The following ETS1 variants were observed in gnomAD, a reference collection of about 807,000 sequenced individuals.
The protein encoded by ETS1 is protein C-ets-1.
Under a neutral mutation model 58.6 loss-of-function variants are expected in ETS1, and 15 were observed. The ratio of observed to expected loss-of-function variants is 0.26; its 90% CI spans 0.17 to 0.39. The LOEUF is 0.39. Among genes scored for constraint, ETS1 ranks in the 10% least tolerant of loss-of-function variants. The pLI, the probability that ETS1 is intolerant of heterozygous loss-of-function variation, is 1.00. For synonymous variants in ETS1, 214 were observed against 218.2 expected, an observed-to-expected ratio of 0.98 and a Z score of 0.17; for missense variants, 417 against 610.5, an observed-to-expected ratio of 0.68 and a Z score of 3.34.
At chr11:128,515,107 A>C (rs960012483) in intron 3 of ETS1, among the ~76,000 whole-genome samples, 2 of 152,180 alleles carry the variant, frequency 1.3e-5, no homozygotes, top group Non-Finnish European at 2.9e-5. Flanking sequence ...AAGAAAACAC[A>C]ACATTTTTTT....
intron 3 of ETS1, among the ~76,000 whole-genome samples, chr11:128,534,448 T>C (rs1863943043): frequency 6.6e-6 from 1 of 152,244 alleles, no homozygotes; most frequent in Admixed American, 6.5e-5. Flanking sequence ...AAGGTTCAGA[T>C]ACACGTGCAA....
Position 128,543,300 on chromosome 11 carries a change from G to C in ETS1, c.214+12991C>G, listed in dbSNP as rs151173390. ...GCACATAGAAAAGTACTAGTTCATA[G>C]CCAGGAAGAGCGAAAAGATTATGCA... On this transcript the variant is annotated intron_variant, in intron 3 of 9. Transcript: ENST00000392668. Among the ~76,000 whole-genome samples, 567 of 151,988 alleles carry C rather than the reference G, an allele frequency of 3.7e-3. 6 individuals carry two copies. The highest frequency in any genetic ancestry group is 0.013 in the African/African-American group (534 of 41,412).
intron 3 of ETS1, among the ~76,000 whole-genome samples, chr11:128,499,839 G>A (rs1863039937): frequency 6.6e-6 from 1 of 152,110 alleles, no homozygotes; most frequent in Admixed American, 6.5e-5. Context: ...GAATCACCAA[G>A]AAGGCCAGGC....
At chr11:128,514,577 T>C (rs1469853786) in intron 3 of ETS1, among the ~76,000 whole-genome samples, 1 of 152,194 alleles carries the variant, frequency 6.6e-6, no homozygotes, top group Non-Finnish European at 1.5e-5. Context: ...CTTAACACTG[T>C]TGCAAGAGAG....
At chr11:128,545,178 T>A (rs1251052644) in intron 3 of ETS1, among the ~76,000 whole-genome samples, 2 of 152,138 alleles carry the variant, frequency 1.3e-5, no homozygotes, top group African/African-American at 2.4e-5. Flanking sequence ...AAATGACCAA[T>A]ATGGGACTCC....
chr11:128,536,997 C>G (rs1338704789), intron 3 of ETS1, among the ~76,000 whole-genome samples: 5 of 152,186 alleles, frequency 3.3e-5, no homozygotes, highest in Non-Finnish European at 7.4e-5. Context: ...CACAGCACCT[C>G]TGAGAAATGC....
chr11:128,581,020 G>A (rs540369509), intron 1 of ETS1, among the ~76,000 whole-genome samples: 69 of 152,136 alleles, frequency 4.5e-4, no homozygotes, highest in Non-Finnish European at 7.9e-4. Context: ...GGAGTAACTC[G>A]CTACTATCTC....
At chr11:128,533,516 T>C (rs961324143) in intron 3 of ETS1, among the ~76,000 whole-genome samples, 1 of 152,210 alleles carries the variant, frequency 6.6e-6, no homozygotes, top group African/African-American at 2.4e-5. Flanking sequence ...CTCCCCCACA[T>C]AGGGACCCTG....
At chr11:128,550,763 A>T (rs368397792) in intron 3 of ETS1, among the ~76,000 whole-genome samples, 12 of 152,178 alleles carry the variant, frequency 7.9e-5, no homozygotes, top group African/African-American at 2.4e-4. Flanking sequence ...ATGTTTCCCC[A>T]TCTCCCTTAA....
chr11:128,557,040 C>A (rs1184579661), intron 2 of ETS1, among the ~76,000 whole-genome samples: 1 of 152,150 alleles, frequency 6.6e-6, no homozygotes, highest in Admixed American at 6.6e-5. Flanking sequence ...TCCCAATCTA[C>A]ATAGTACTCT....
intron 1 of ETS1, among the ~76,000 whole-genome samples, chr11:128,584,040 A>G (rs1864926757): frequency 6.6e-6 from 1 of 152,138 alleles, no homozygotes; most frequent in African/African-American, 2.4e-5. Context: ...TATTGTGTTA[A>G]TTTTAAAAAT....
intron 1 of ETS1, among the ~76,000 whole-genome samples, chr11:128,578,473 T>C (rs971715749): frequency 1.3e-5 from 2 of 152,176 alleles, no homozygotes; most frequent in African/African-American, 4.8e-5. Context: ...TACACTTTAA[T>C]TTTTTTCTTT....
intron 3 of ETS1, among the ~76,000 whole-genome samples, chr11:128,550,142 G>A (rs1457816221): frequency 1.3e-5 from 2 of 152,236 alleles, no homozygotes; most frequent in South Asian, 2.1e-4. Context: ...ACTTAGCCAA[G>A]GCCGAAGGCC....
At chr11:128,576,388 G>C (rs953086493) in intron 1 of ETS1, among the ~76,000 whole-genome samples, 1 of 152,118 alleles carries the variant, frequency 6.6e-6, no homozygotes, top group African/African-American at 2.4e-5. Context: ...TTTGGCAAAA[G>C]AGAATTCCCT....
chr11:128,491,294 G>C (rs1271576829), intron 3 of ETS1, among the ~76,000 whole-genome samples: 1 of 152,200 alleles, frequency 6.6e-6, no homozygotes. Flanking sequence ...CACAGAAATA[G>C]TCTCCACAGG....
chr11:128,564,188 C>T (rs1864451759), intron 2 of ETS1, among the ~76,000 whole-genome samples: 1 of 152,102 alleles, frequency 6.6e-6, no homozygotes, highest in Non-Finnish European at 1.5e-5. Context: ...AGAACCACTC[C>T]CCAGCTCTCC....
At chr11:128,558,991 A>T (rs537782395) in intron 2 of ETS1, among the ~76,000 whole-genome samples, 4 of 152,292 alleles carry the variant, frequency 2.6e-5, no homozygotes, top group African/African-American at 9.6e-5. Context: ...TGAGTGAGAA[A>T]ATTTTGATTC....
intron 3 of ETS1, among the ~76,000 whole-genome samples, chr11:128,554,728 G>A (rs867184599): frequency 2.0e-5 from 3 of 151,952 alleles, no homozygotes; most frequent in Admixed American, 6.5e-5. Context: ...AGAGCTGCAA[G>A]TGTTAAAGCA....
intron 8 of ETS1, among the ~76,000 whole-genome samples, chr11:128,477,802 T>C (rs2135435550): frequency 6.6e-6 from 1 of 152,286 alleles, no homozygotes; most frequent in African/African-American, 2.4e-5. Flanking sequence ...GCTCAAACAT[T>C]TGCTGAAATA....
Sources: allele counts gnomAD v4.1 joint callset (sites outside exome capture counted in the v4.1 genomes callset), GRCh38; gene constraint gnomAD v4.1.1; transcripts MANE v1.5; gene names NCBI Gene and HGNC (gene_info 2026-07-23, HGNC 2026-07-21).